ZDHHC21: variants seen among roughly 807,000 people sequenced by gnomAD.
ZDHHC21 encodes the protein palmitoyltransferase ZDHHC21.
ZDHHC21 carries 15 observed loss-of-function variants against 34.6 expected under a neutral mutation model. That is an observed-to-expected ratio of 0.43 (90% CI 0.29 to 0.67). The LOEUF is 0.67. ZDHHC21 is among the 30% of genes least tolerant of loss of function. The pLI is 0.14. For missense variants in ZDHHC21, 344 were observed against 327.7 expected (o/e 1.05, Z -0.38); for synonymous variants, 142 against 101.8 (o/e 1.40, Z -2.38).
the ZDHHC21 span, among the ~76,000 whole-genome samples, chr9:14,600,352 C>A: frequency 2.0e-5 from 3 of 151,994 alleles, no homozygotes; most frequent in South Asian, 6.2e-4. Context: ...AGTATTCCTA[C>A]CCACCAATAG....
At chr9:14,604,092 T>C in the ZDHHC21 span, among the ~76,000 whole-genome samples, 11 of 152,164 alleles carry the variant, frequency 7.2e-5, no homozygotes, top group African/African-American at 1.2e-4. Flanking sequence ...CAATAACAAA[T>C]AGGAAAAACT....
At chr9:14,685,324 C>G (rs1838130087) in intron 2 of ZDHHC21, among the ~76,000 whole-genome samples, 1 of 151,744 alleles carries the variant, frequency 6.6e-6, no homozygotes, top group Non-Finnish European at 1.5e-5. Flanking sequence ...GGCTAATATC[C>G]AGAATCTACA....
rs1375203585 is a variant in ZDHHC21 at position 14,616,086 on chromosome 9, A to T, written c.*2880T>A. On this transcript the variant is annotated 3_prime_UTR_variant, in exon 10 of 10. Transcript: ENST00000380916. The stretch of plus-strand genomic sequence containing the variant: ...ATTAATCTCTTAGTTATTTTAAGGC[A>T]ATAGAGCCAGTAAAAAAATCATTTC... 6.6e-6 allele frequency: 1 copy of T among 151,802 alleles called. No individual in the cohort carries two copies. The highest frequency in any genetic ancestry group is 1.5e-5 in the Non-Finnish European group (1 of 67,740). The allele number at this position is 151,802 out of a possible 1,614,324, so 9.4% of individuals were successfully genotyped here.
chr9:14,670,307 A>G (rs533097274), intron 5 of ZDHHC21, among the ~76,000 whole-genome samples: 1 of 152,150 alleles, frequency 6.6e-6, no homozygotes, highest in Non-Finnish European at 1.5e-5. Flanking sequence ...TTTGTAATCT[A>G]GACCACAGAT....
At position 14,674,334 on chromosome 9, in the gene ZDHHC21, G is replaced by C; in HGVS notation, c.7C>G (p.Leu3Val). 2 of 1,593,486 alleles carry C rather than the reference G, an allele frequency of 1.3e-6. No individual in the cohort carries two copies. The highest frequency in any genetic ancestry group is 8.5e-7 in the Non-Finnish European group (1 of 1,172,118). MG[L>V]RIHFVVDPHG... is the part of the protein sequence containing the mutation. ...GGGTCAACAACAAAGTGAATCCGGA[G>C]ACCCATTTTGCAATCTTATAACTGC... Residue 3 changes from leucine (L) to valine (V), a missense_variant, in exon 4 of 10, where the codon CTC becomes GTC. By Grantham distance (32) the Leu-to-Val change is conservative. Coordinates refer to ENST00000380916, the MANE Select transcript of ZDHHC21 (RefSeq NM_178566.6).
At chr9:14,660,153 G>T (rs1043920083) in intron 6 of ZDHHC21, among the ~76,000 whole-genome samples, 2 of 152,012 alleles carry the variant, frequency 1.3e-5, no homozygotes, top group African/African-American at 4.8e-5. Context: ...ATCACCTGAG[G>T]TTGGGAGTTT....
intron 7 of ZDHHC21, among the ~76,000 whole-genome samples, chr9:14,643,122 C>G (rs1186233674): frequency 6.6e-6 from 1 of 152,066 alleles, no homozygotes; most frequent in African/African-American, 2.4e-5. Context: ...TGGTGCATGC[C>G]TATAATCACA....
In ZDHHC21 at chr9:14,661,797, G is replaced by T. The variant is rs950225201; in HGVS notation, c.365+418C>A. The stretch of plus-strand genomic sequence containing the variant: ...AAGGGGTAAGGAAGAGGTTATCAGG[G>T]TGTCTGAAATGTTATTAATTAAACA... On this transcript the variant is annotated intron_variant, in intron 6 of 9. Transcript: ENST00000380916. Among the ~76,000 whole-genome samples the T allele has an allele frequency of 4.6e-5, 7 of 152,094 alleles. No homozygotes were observed. The East Asian group carries it at 1.3e-3, about 29-fold the overall frequency.
intron 8 of ZDHHC21, among the ~76,000 whole-genome samples, chr9:14,626,576 T>C (rs181187564): frequency 6.6e-6 from 1 of 152,076 alleles, no homozygotes; most frequent in Non-Finnish European, 1.5e-5. Flanking sequence ...AATATGCTTT[T>C]ACATAGGAAC....
intron 4 of ZDHHC21, among the ~76,000 whole-genome samples, chr9:14,673,188 C>G (rs1049398087): frequency 2.0e-5 from 3 of 151,870 alleles, no homozygotes; most frequent in Non-Finnish European, 4.4e-5. Flanking sequence ...TAAATCAGAT[C>G]CCTTAATAAC....
chr9:14,660,897 T>C (rs1457169832), intron 6 of ZDHHC21, among the ~76,000 whole-genome samples: 1 of 152,166 alleles, frequency 6.6e-6, no homozygotes, highest in East Asian at 1.9e-4. Flanking sequence ...AAGAAGCGCT[T>C]AAAAACTGAG....
intron 8 of ZDHHC21, 110 bp from the exon 9 acceptor site, chr9:14,619,792 AAC>A (rs1257636528): frequency 5.0e-5 from 31 of 624,706 alleles, no homozygotes; most frequent in South Asian, 4.2e-4. Context: ...TATAGATTTA[AAC>A]AGTTTATATA....
At chr9:14,648,155 T>G (rs543693351) in intron 7 of ZDHHC21, among the ~76,000 whole-genome samples, 39 of 152,228 alleles carry the variant, frequency 2.6e-4, no homozygotes, top group African/African-American at 9.1e-4. Flanking sequence ...CAGCCCACAT[T>G]CAAATTATCA....
At chr9:14,593,177 GACA>G in the ZDHHC21 span, among the ~76,000 whole-genome samples, 2 of 151,946 alleles carry the variant, frequency 1.3e-5, no homozygotes. Context: ...AATGGAAAAT[GACA>G]ACAATAAAGA....
At chr9:14,656,108 C>T (rs1832157775) in intron 7 of ZDHHC21, among the ~76,000 whole-genome samples, 1 of 151,854 alleles carries the variant, frequency 6.6e-6, no homozygotes, top group South Asian at 2.1e-4. Flanking sequence ...TTGGATGTGT[C>T]TATAATGTAG....
At position 14,690,232 on chromosome 9, in the gene ZDHHC21, G is replaced by T. The variant is rs187815307; in HGVS notation, c.-176+105C>A. On this transcript the variant is annotated intron_variant, in intron 2 of 9. Transcript: ENST00000380916. ...ACCCACCACACCAAGAGAGATTGGTGGGGGGTTGGGGGTAGAAGACTAAAT... is the reference window on the plus strand; with the variant it reads ...ACCCACCACACCAAGAGAGATTGGTTGGGGGTTGGGGGTAGAAGACTAAAT... The T allele has an allele frequency of 2.1e-4, 83 of 392,722 alleles. 1 individual carries two copies. The East Asian group carries it at 4.7e-3, about 22-fold the overall frequency. The allele number at this position is 392,722 out of a possible 1,614,324, so 24.3% of individuals were successfully genotyped here.
intron 6 of ZDHHC21, among the ~76,000 whole-genome samples, chr9:14,660,865 A>G (rs931563713): frequency 6.6e-6 from 1 of 152,186 alleles, no homozygotes; most frequent in Non-Finnish European, 1.5e-5. Context: ...TTTGTATTTT[A>G]GTGAATAAGA....
At chr9:14,620,652 G>A (rs1825148220) in intron 8 of ZDHHC21, among the ~76,000 whole-genome samples, 1 of 151,916 alleles carries the variant, frequency 6.6e-6, no homozygotes, top group Admixed American at 6.6e-5. Flanking sequence ...TTCCAATGAT[G>A]CTAATAAACA....
intron 1 of ZDHHC21, among the ~76,000 whole-genome samples, chr9:14,692,803 GCA>G (rs1839351696): frequency 6.6e-6 from 1 of 152,158 alleles, no homozygotes; most frequent in Admixed American, 6.5e-5. Flanking sequence ...CTCTGGAATA[GCA>G]CAGAGAAACC....
Sources: gnomAD v4.1 joint callset for allele counts (sites outside exome capture counted in the v4.1 genomes callset) on GRCh38, gnomAD v4.1.1 for gene constraint, MANE v1.5 for transcripts, NCBI Gene and HGNC (gene_info 2026-07-23, HGNC 2026-07-21) for gene names.